Variants in PTPRD observed in about 807,000 individuals in gnomAD.
PTPRD encodes protein tyrosine phosphatase receptor type D, also known as receptor-type tyrosine-protein phosphatase delta.
In PTPRD, 34 loss-of-function variants were observed where a neutral mutation model predicts 214.5. The observed-to-expected ratio is 0.16, with a 90% CI of 0.12 to 0.21. The LOEUF is 0.21. Among genes scored for constraint, PTPRD ranks in the 10% least tolerant of loss-of-function variants. The probability of loss-of-function intolerance (pLI) is 1.00; values close to 1 mark genes in which losing one functional copy is unlikely to be tolerated. For synonymous variants in PTPRD, 1,128 were observed against 845.7 expected, an observed-to-expected ratio of 1.33 and a Z score of -5.79; for missense variants, 2,545 against 2,398.7, an observed-to-expected ratio of 1.06 and a Z score of -1.27.
intron 11 of PTPRD, among the ~76,000 whole-genome samples, chr9:8,981,059 C>T (rs1488049586): frequency 6.6e-6 from 1 of 152,166 alleles, no homozygotes; most frequent in South Asian, 2.1e-4. Flanking sequence ...GTCTCCGGCA[C>T]CTCGCTAACG....
At chr9:8,537,259 A>G (rs1389628871) in intron 14 of PTPRD, among the ~76,000 whole-genome samples, 2 of 152,034 alleles carry the variant, frequency 1.3e-5, no homozygotes, top group South Asian at 2.1e-4. Flanking sequence ...AATGTTACGC[A>G]TATGAATAAA....
intron 3 of PTPRD, among the ~76,000 whole-genome samples, chr9:10,052,976 T>C (rs902303985): frequency 1.3e-5 from 2 of 152,192 alleles, no homozygotes; most frequent in African/African-American, 4.8e-5. Context: ...ATGTATTTAC[T>C]TGTAAATAAC....
chr9:10,096,943 G>T (rs1055963641), intron 3 of PTPRD, among the ~76,000 whole-genome samples: 2 of 151,852 alleles, frequency 1.3e-5, no homozygotes, highest in Admixed American at 1.3e-4. Flanking sequence ...TCCAGTTTCA[G>T]CTTTCTACAT....
At position 9,088,581 on chromosome 9, in the gene PTPRD, G is replaced by GAAAAAA. The variant is rs533619970; in HGVS notation, c.-142-69852_-142-69847dup. ...GGCGACAGAGTGAGACTTAGTCTCA[G>GAAAAAA]AAAAAAAAAAAAAAAAAAAAAAAAA... On this transcript the variant is annotated intron_variant, in intron 10 of 45. Transcript: ENST00000381196. Among the ~76,000 whole-genome samples the GAAAAAA allele has an allele frequency of 9.5e-3, 314 of 33,030 alleles. 13 individuals carry two copies. The highest frequency in any genetic ancestry group is 0.024 in the East Asian group (21 of 870). 21.7% of individuals were successfully genotyped at this position (33,030 alleles called of 152,430 possible). A position where few individuals can be genotyped will look rare whatever the true frequency, so the allele number is the denominator to read the frequency against.
At chr9:10,157,411 A>T (rs1315883600) in intron 3 of PTPRD, among the ~76,000 whole-genome samples, 1 of 152,142 alleles carries the variant, frequency 6.6e-6, no homozygotes, top group East Asian at 1.9e-4. Context: ...GCAAGACATG[A>T]AGTTCTGGAT....
chr9:9,055,949 G>A (rs925009174), intron 10 of PTPRD, among the ~76,000 whole-genome samples: 31 of 151,984 alleles, frequency 2.0e-4, no homozygotes, highest in African/African-American at 7.2e-4. Flanking sequence ...TTCTGCACAT[G>A]GTTTATTCTG....
At chr9:9,566,302 A>G (rs1656718135) in intron 8 of PTPRD, among the ~76,000 whole-genome samples, 1 of 152,040 alleles carries the variant, frequency 6.6e-6, no homozygotes, top group Non-Finnish European at 1.5e-5. Flanking sequence ...TGTGATATAT[A>G]TGAAGGTAAA....
At chr9:9,281,435 A>G (rs10977638) in intron 9 of PTPRD, among the ~76,000 whole-genome samples, 18,291 of 151,300 alleles carry the variant, frequency 0.12, 1,412 homozygotes, top group Non-Finnish European at 0.17. Flanking sequence ...AAATGGACAA[A>G]ATACTTTAAC....
At chr9:9,623,848 A>G (rs1213356803) in intron 7 of PTPRD, among the ~76,000 whole-genome samples, 1 of 152,202 alleles carries the variant, frequency 6.6e-6, no homozygotes, top group Non-Finnish European at 1.5e-5. Context: ...GCTTCTTACA[A>G]CTATTCTACA....
chr9:10,459,646 G>A (rs1027003446), intron 2 of PTPRD, among the ~76,000 whole-genome samples: 7 of 151,622 alleles, frequency 4.6e-5, no homozygotes, highest in African/African-American at 1.2e-4. Context: ...TTTCTCTAAC[G>A]ACCCGTGATG....
At chr9:8,994,594 C>A (rs899955937) in intron 11 of PTPRD, among the ~76,000 whole-genome samples, 1 of 151,746 alleles carries the variant, frequency 6.6e-6, no homozygotes, top group Non-Finnish European at 1.5e-5. Context: ...AAGGATTTTG[C>A]CAAGAATGGA....
At chr9:8,329,348 C>T (rs117779137) in intron 44 of PTPRD, among the ~76,000 whole-genome samples, 5,902 of 152,200 alleles carry the variant, frequency 0.039, 183 homozygotes, top group South Asian at 0.16. Flanking sequence ...GCAGAGGCTT[C>T]AGAACAGCAA....
At chr9:10,204,196 T>C (rs2099452950) in intron 3 of PTPRD, among the ~76,000 whole-genome samples, 1 of 152,148 alleles carries the variant, frequency 6.6e-6, no homozygotes, top group African/African-American at 2.4e-5. Flanking sequence ...AATTACTCCA[T>C]TTTTCAGTGT....
At chr9:9,886,988 C>A (rs1248943313) in intron 5 of PTPRD, among the ~76,000 whole-genome samples, 1 of 152,070 alleles carries the variant, frequency 6.6e-6, no homozygotes. Context: ...TCCCAAATTC[C>A]TGATCCACAA....
intron 4 of PTPRD, among the ~76,000 whole-genome samples, chr9:9,977,175 C>T (rs899063278): frequency 8.5e-5 from 13 of 152,120 alleles, no homozygotes; most frequent in Admixed American, 6.5e-5. Flanking sequence ...CAGCTCAGGA[C>T]CTTGATAGGT....
chr9:8,781,079 A>C (rs780493701), intron 11 of PTPRD, among the ~76,000 whole-genome samples: 1 of 152,174 alleles, frequency 6.6e-6, no homozygotes, highest in Non-Finnish European at 1.5e-5. Flanking sequence ...GTTAGCTCCA[A>C]TTTCACCAAC....
chr9:8,586,937 G>T (rs2093703109), intron 14 of PTPRD, among the ~76,000 whole-genome samples: 1 of 152,152 alleles, frequency 6.6e-6, no homozygotes, highest in Non-Finnish European at 1.5e-5. Context: ...CATGAGGTCG[G>T]AAGATTGAGA....
intron 7 of PTPRD, among the ~76,000 whole-genome samples, chr9:9,613,528 CCTT>C (rs1401861503): frequency 6.6e-6 from 1 of 152,042 alleles, no homozygotes; most frequent in African/African-American, 2.4e-5. Flanking sequence ...CCAAATTCTC[CCTT>C]CTTCTTTTAG....
Position 9,007,476 on chromosome 9 carries a change from T to TA in PTPRD, c.-104+11220_-104+11221insT, listed in dbSNP as rs61233344. On this transcript the variant is annotated intron_variant, in intron 11 of 45. Transcript: ENST00000381196. ...CCCTGAAGAATTTTAAAAATATATT[T>TA]TTTTTTATGTGCTTGACCCTATTAC... Among the ~76,000 whole-genome samples, 3 of 115,056 alleles carry TA rather than the reference T, an allele frequency of 2.6e-5. No individual in the cohort carries two copies. The Admixed American group carries it at 3.2e-4, about 12-fold the overall frequency. 75.5% of individuals were successfully genotyped at this position (115,056 alleles called of 152,430 possible).
Sources: gnomAD v4.1 joint callset for allele counts (sites outside exome capture counted in the v4.1 genomes callset) on GRCh38, gnomAD v4.1.1 for gene constraint, MANE v1.5 for transcripts, NCBI Gene and HGNC (gene_info 2026-07-23, HGNC 2026-07-21) for gene names.